DLGAP1: variants seen among roughly 807,000 people sequenced by gnomAD.
DLGAP1 encodes the protein disks large-associated protein 1.
Under a neutral mutation model 90.8 loss-of-function variants are expected in DLGAP1, and 11 were observed. That is an observed-to-expected ratio of 0.12 (90% confidence interval 0.08 to 0.20). DLGAP1 has a LOEUF of 0.20. DLGAP1 is among the 10% of genes least tolerant of loss of function. The pLI is 1.00. For missense variants in DLGAP1, 1,050 were observed against 1,333.8 expected (o/e 0.79, Z 3.31); for synonymous variants, 558 against 540.7 (o/e 1.03, Z -0.44).
At chr18:4,083,136 G>A (rs960224631) in intron 2 of DLGAP1, among the ~76,000 whole-genome samples, 3 of 152,168 alleles carry the variant, frequency 2.0e-5, no homozygotes, top group Non-Finnish European at 4.4e-5. Flanking sequence ...AGGGGGTAGA[G>A]TAGAAAGTTG....
intron 7 of DLGAP1, among the ~76,000 whole-genome samples, chr18:3,614,081 C>G (rs1416966072): frequency 3.3e-5 from 5 of 152,106 alleles, no homozygotes; most frequent in Admixed American, 3.3e-4. Context: ...ACAACCACAC[C>G]CGGCTAAAGT....
chr18:3,741,038 T>C (rs995885046), intron 6 of DLGAP1, among the ~76,000 whole-genome samples: 148 of 30,118 alleles, frequency 4.9e-3, no homozygotes, highest in East Asian at 8.0e-3. Context: ...ACCACCACCA[T>C]CACCTCACCA....
At chr18:3,955,607 G>A (rs946491949) in intron 3 of DLGAP1, among the ~76,000 whole-genome samples, 6 of 152,040 alleles carry the variant, frequency 3.9e-5, no homozygotes, top group Non-Finnish European at 5.9e-5. Flanking sequence ...CCAGCTACTC[G>A]GGAGGCTGAG....
At chr18:4,263,336 A>G (rs1178346924) in intron 1 of DLGAP1, among the ~76,000 whole-genome samples, 1 of 152,228 alleles carries the variant, frequency 6.6e-6, no homozygotes, top group African/African-American at 2.4e-5. Context: ...CAGAGTAGGT[A>G]TCTTTCCGTA....
intron 2 of DLGAP1, among the ~76,000 whole-genome samples, chr18:4,027,227 C>G (rs2074714983): frequency 6.6e-6 from 1 of 151,842 alleles, no homozygotes; most frequent in African/African-American, 2.4e-5. Context: ...ATAATGTGGT[C>G]TGGTGTGGTG....
chr18:4,363,649 G>GA (rs1393157761), intron 1 of DLGAP1, among the ~76,000 whole-genome samples: 1 of 152,140 alleles, frequency 6.6e-6, no homozygotes, highest in Non-Finnish European at 1.5e-5. Flanking sequence ...AAAAACACAT[G>GA]AAAAAATGCT....
At chr18:3,967,038 G>T (rs907590398) in intron 3 of DLGAP1, among the ~76,000 whole-genome samples, 1 of 152,146 alleles carries the variant, frequency 6.6e-6, no homozygotes, top group Admixed American at 6.5e-5. Flanking sequence ...CAGGAGGTGA[G>T]GTAGTCCAGA....
chr18:4,012,490 G>A (rs1011092441), intron 2 of DLGAP1, among the ~76,000 whole-genome samples: 2 of 152,108 alleles, frequency 1.3e-5, no homozygotes, highest in Non-Finnish European at 2.9e-5. Context: ...AGCCAGGCCT[G>A]GGCATGAGAC....
chr18:3,850,880 C>A (rs1307056179), intron 4 of DLGAP1, among the ~76,000 whole-genome samples: 1 of 151,966 alleles, frequency 6.6e-6, no homozygotes, highest in Non-Finnish European at 1.5e-5. Flanking sequence ...TATAAAAAAT[C>A]ATCTTTATAG....
intron 5 of DLGAP1, among the ~76,000 whole-genome samples, chr18:3,789,986 C>G (rs950520098): frequency 1.3e-5 from 2 of 152,114 alleles, no homozygotes; most frequent in African/African-American, 4.8e-5. Context: ...ATTCTTTTAG[C>G]CTAACTGTGG....
chr18:4,146,475 TG>T (rs1598481750), intron 2 of DLGAP1, among the ~76,000 whole-genome samples: 2 of 152,332 alleles, frequency 1.3e-5, no homozygotes, highest in East Asian at 3.9e-4. Context: ...GGATTTCATA[TG>T]ATCTGTACCT....
intron 2 of DLGAP1, among the ~76,000 whole-genome samples, chr18:4,048,025 CG>C: frequency 6.6e-6 from 1 of 152,160 alleles, no homozygotes; most frequent in South Asian, 2.1e-4. Flanking sequence ...CTCAAACTCC[CG>C]GGCTCAAGCA....
intron 7 of DLGAP1, among the ~76,000 whole-genome samples, chr18:3,686,694 T>A (rs1881712622): frequency 6.6e-6 from 1 of 152,248 alleles, no homozygotes; most frequent in South Asian, 2.1e-4. Flanking sequence ...TTAAAATCTA[T>A]AAAGTAGGGT....
At chr18:4,078,699 G>A (rs913746758) in intron 2 of DLGAP1, among the ~76,000 whole-genome samples, 1 of 152,100 alleles carries the variant, frequency 6.6e-6, no homozygotes. Flanking sequence ...AACTTTACAC[G>A]ATCTGGAAAC....
intron 2 of DLGAP1, among the ~76,000 whole-genome samples, chr18:4,125,200 G>A (rs1302098490): frequency 6.6e-6 from 1 of 152,188 alleles, no homozygotes; most frequent in Admixed American, 6.5e-5. Flanking sequence ...GGGTGCTTAT[G>A]GGTGATGGAT....
chr18:3,513,534 T>C (rs538317814), intron 10 of DLGAP1, among the ~76,000 whole-genome samples: 12 of 152,280 alleles, frequency 7.9e-5, no homozygotes, highest in African/African-American at 2.9e-4. Flanking sequence ...TTGGAAGAAA[T>C]TCGCCAAGCC....
intron 7 of DLGAP1, among the ~76,000 whole-genome samples, chr18:3,594,693 T>C (rs1391260409): frequency 6.6e-6 from 1 of 152,130 alleles, no homozygotes; most frequent in Non-Finnish European, 1.5e-5. Flanking sequence ...CCATGTTTTT[T>C]AAGGTGGTGA....
At chr18:3,814,568 AGCCAGGATG>A (rs2067006071) in intron 4 of DLGAP1, among the ~76,000 whole-genome samples, 1 of 151,942 alleles carries the variant, frequency 6.6e-6, no homozygotes, top group African/African-American at 2.4e-5. Context: ...TCACCGTGTT[AGCCAGGATG>A]GTCTTAATCT....
rs1598927064 is a variant in DLGAP1, at chr18:4,335,957, C to T, written c.-267+119049G>A. 4.6e-5 allele frequency among the ~76,000 whole-genome samples: 7 copies of T among 152,268 alleles called. 1 individual carries two copies. On this transcript the variant is annotated intron_variant, in intron 1 of 12. Coordinates refer to ENST00000315677, the MANE Select transcript of DLGAP1 (RefSeq NM_004746.4). ...TTGTGACATTTTTATGATTTAGAAA[C>T]ACAAGACTATTGGTTGATTTCCATT...
Sources: allele counts gnomAD v4.1 joint callset (sites outside exome capture counted in the v4.1 genomes callset), GRCh38; gene constraint gnomAD v4.1.1; transcripts MANE v1.5; gene names NCBI Gene and HGNC (gene_info 2026-07-23, HGNC 2026-07-21).